The following GAS7 variants were observed in gnomAD, a reference collection of about 807,000 sequenced individuals.
GAS7 encodes growth arrest-specific protein 7.
GAS7 carries 28 observed loss-of-function variants against 71.1 expected under a neutral mutation model. The observed-to-expected ratio is 0.39, with a 90% CI of 0.29 to 0.54. The LOEUF (loss-of-function observed/expected upper bound fraction) is 0.54, where lower values mean the gene tolerates loss of function less well. Ranked by LOEUF, GAS7 falls within the 20% of genes least tolerant of loss-of-function variation. The pLI, the probability that GAS7 is intolerant of heterozygous loss-of-function variation, is 0.62. For missense variants in GAS7, 436 were observed against 627.8 expected (o/e 0.69, Z 3.27); for synonymous variants, 258 against 245.8 (o/e 1.05, Z -0.46).
At chr17:10,098,278 G>A (rs1031619827) in intron 1 of GAS7, among the ~76,000 whole-genome samples, 1 of 152,192 alleles carries the variant, frequency 6.6e-6, no homozygotes, top group East Asian at 1.9e-4. Flanking sequence ...GCCTGGCCAG[G>A]AGAGCAGGAG....
intron 2 of GAS7, among the ~76,000 whole-genome samples, chr17:10,014,957 C>T (rs1441504706): frequency 6.6e-6 from 1 of 151,930 alleles, no homozygotes; most frequent in Non-Finnish European, 1.5e-5. Context: ...AAATCAAGAC[C>T]ATGCTGGCCA....
intron 1 of GAS7, among the ~76,000 whole-genome samples, chr17:10,056,656 G>C (rs1039647656): frequency 6.6e-6 from 1 of 152,162 alleles, no homozygotes; most frequent in Non-Finnish European, 1.5e-5. Context: ...TGGATCACGA[G>C]GTCAGGAGAT....
At chr17:10,138,977 A>C (rs2074061316) in intron 1 of GAS7, among the ~76,000 whole-genome samples, 1 of 152,224 alleles carries the variant, frequency 6.6e-6, no homozygotes, top group Non-Finnish European at 1.5e-5. Flanking sequence ...ACAAGACATC[A>C]TTTGATAAAA....
chr17:10,090,700 A>G (rs930765888), intron 1 of GAS7, among the ~76,000 whole-genome samples: 1 of 152,094 alleles, frequency 6.6e-6, no homozygotes, highest in African/African-American at 2.4e-5. Flanking sequence ...AAATGACATC[A>G]ATTTCATGCC....
At chr17:10,193,674 G>A (rs1178613856) in intron 1 of GAS7, among the ~76,000 whole-genome samples, 1 of 152,184 alleles carries the variant, frequency 6.6e-6, no homozygotes, top group African/African-American at 2.4e-5. Context: ...CCTGGAGAAT[G>A]AAACACTACA....
rs1192693183 is a variant in GAS7, at chr17:9,913,063, T to C, written c.*4165A>G. ...AGGGAAAGAGGGCAGGAGAAGGGAA[T>C]TTTTTGGAGGGTTAAAAACAGGTTG... On this transcript the variant is annotated 3_prime_UTR_variant, in exon 14 of 14. Coordinates refer to ENST00000432992, the MANE Select transcript of GAS7 (RefSeq NM_201433.2). The C allele has an allele frequency of 4.3e-6, 1 of 232,466 alleles. No individual in the cohort carries two copies. The highest frequency in any genetic ancestry group is 5.6e-5 in the Admixed American group (1 of 17,772). The allele number at this position is 232,466 out of a possible 1,614,324, so 14.4% of individuals were successfully genotyped here.
At chr17:9,958,429 C>T (rs1039469215) in intron 5 of GAS7, among the ~76,000 whole-genome samples, 1 of 152,250 alleles carries the variant, frequency 6.6e-6, no homozygotes. Context: ...TTGGTTTTGT[C>T]TCCACAGGGG....
At chr17:9,990,823 C>T (rs1236109583) in intron 2 of GAS7, among the ~76,000 whole-genome samples, 1 of 152,190 alleles carries the variant, frequency 6.6e-6, no homozygotes, top group Non-Finnish European at 1.5e-5. Flanking sequence ...TATCTGGAAC[C>T]TGCTGGGTGC....
chr17:10,016,992 G>A (rs968653833), intron 2 of GAS7, among the ~76,000 whole-genome samples: 27 of 150,142 alleles, frequency 1.8e-4, no homozygotes, highest in Middle Eastern at 3.4e-3. Context: ...TCAGCCGGGC[G>A]TGATGACACA....
intron 1 of GAS7, among the ~76,000 whole-genome samples, chr17:10,074,173 G>C (rs1394835027): frequency 6.6e-6 from 1 of 152,170 alleles, no homozygotes; most frequent in Non-Finnish European, 1.5e-5. Flanking sequence ...CCTGGGAGGG[G>C]GGTGCTGCCC....
At chr17:10,194,777 T>C (rs2074528792) in intron 1 of GAS7, among the ~76,000 whole-genome samples, 1 of 147,982 alleles carries the variant, frequency 6.8e-6, no homozygotes, top group African/African-American at 2.5e-5. Context: ...ATCGAGACCA[T>C]GCTGGCTAAC....
At chr17:9,985,469 G>A (rs2070609976) in intron 2 of GAS7, among the ~76,000 whole-genome samples, 1 of 152,150 alleles carries the variant, frequency 6.6e-6, no homozygotes, top group African/African-American at 2.4e-5. Flanking sequence ...GCCGCCTCCT[G>A]CTCCCCCATC....
At chr17:10,146,960 T>TAAAA (rs1252230604) in intron 1 of GAS7, among the ~76,000 whole-genome samples, 1 of 144,772 alleles carries the variant, frequency 6.9e-6, no homozygotes, top group Non-Finnish European at 1.5e-5. Flanking sequence ...CTCCGTCTCA[T>TAAAA]AAAAAAAACG....
At chr17:9,960,250 C>T (rs539627876) in intron 4 of GAS7, among the ~76,000 whole-genome samples, 3 of 151,462 alleles carry the variant, frequency 2.0e-5, no homozygotes, top group South Asian at 4.2e-4. Flanking sequence ...AGTGCAGTGG[C>T]GTGATCATGG....
At chr17:10,038,592 C>T (rs568732570) in intron 1 of GAS7, among the ~76,000 whole-genome samples, 10 of 152,212 alleles carry the variant, frequency 6.6e-5, no homozygotes, top group Middle Eastern at 6.8e-3. Context: ...GGTCTTGCTG[C>T]CTGTTCATGG....
chr17:10,070,375 A>ATTTTTG (rs2073328368), intron 1 of GAS7, among the ~76,000 whole-genome samples: 1 of 77,942 alleles, frequency 1.3e-5, no homozygotes, highest in Non-Finnish European at 2.6e-5. Context: ...TTAATTTTTA[A>ATTTTTG]TTTTTGGAGA....
chr17:10,137,427 T>C (rs529349191), intron 1 of GAS7, among the ~76,000 whole-genome samples: 6 of 151,388 alleles, frequency 4.0e-5, no homozygotes, highest in South Asian at 2.1e-4. Context: ...TTAGCTGACA[T>C]GTATATGAGT....
chr17:9,958,254 A>T (rs923381098), intron 5 of GAS7, among the ~76,000 whole-genome samples: 5 of 152,186 alleles, frequency 3.3e-5, no homozygotes, highest in African/African-American at 1.2e-4. Flanking sequence ...CACGACTGAC[A>T]CTTCATATAG....
chr17:9,943,290 G>C, intron 6 of GAS7, 54 bp from the exon 7 acceptor site: 1 of 1,048,072 alleles, frequency 9.5e-7, no homozygotes, highest in Non-Finnish European at 1.5e-6. Context: ...TCTGGAGCCA[G>C]GGAGAATGGC....
Sources: gnomAD v4.1 joint callset for allele counts (sites outside exome capture counted in the v4.1 genomes callset) on GRCh38, gnomAD v4.1.1 for gene constraint, MANE v1.5 for transcripts, NCBI Gene and HGNC (gene_info 2026-07-23, HGNC 2026-07-21) for gene names.